Variants in CPLANE1 observed in about 807,000 individuals in gnomAD.
CPLANE1 encodes the protein ciliogenesis and planar polarity effector 1.
A neutral mutation model predicts 362.5 loss-of-function variants in CPLANE1; 263 were observed. That is an observed-to-expected ratio of 0.73 (90% CI 0.66 to 0.80). The LOEUF (loss-of-function observed/expected upper bound fraction) is 0.80, where lower values mean the gene tolerates loss of function less well. Ranked by LOEUF, CPLANE1 falls within the 30% of genes least tolerant of loss-of-function variation. The probability of loss-of-function intolerance (pLI) is 0.00; values close to 1 mark genes in which losing one functional copy is unlikely to be tolerated. For missense variants in CPLANE1, 3,461 were observed against 3,793.4 expected, an observed-to-expected ratio of 0.91 and a Z score of 2.30; for synonymous variants, 1,212 against 1,302.6, an observed-to-expected ratio of 0.93 and a Z score of 1.50.
At chr5:37,179,504 T>C in intron 28 of CPLANE1, 61 bp from the exon 29 acceptor site, 1 of 1,058,370 alleles carries the variant, frequency 9.4e-7, no homozygotes, top group Non-Finnish European at 1.4e-6. Context: ...ATTGACTTTT[T>C]AGGGGGCTCA....
intron 46 of CPLANE1, among the ~76,000 whole-genome samples, chr5:37,131,688 A>T (rs1360394398): frequency 2.6e-5 from 4 of 151,904 alleles, no homozygotes; most frequent in African/African-American, 9.7e-5. Context: ...CCACTACCAC[A>T]CCCAGCTAAT....
chr5:37,211,106 C>T (rs1792470320), intron 16 of CPLANE1: 1 of 1,051,262 alleles, frequency 9.5e-7, no homozygotes, highest in African/African-American at 1.6e-5. Flanking sequence ...TGGTGCTTCA[C>T]AATGGTGAGA....
At chr5:37,236,715 T>A (rs1395473192) in intron 8 of CPLANE1, among the ~76,000 whole-genome samples, 8 of 122,714 alleles carry the variant, frequency 6.5e-5, no homozygotes, top group African/African-American at 1.6e-4. Context: ...CTAAGACAAC[T>A]CAACAAGCAA....
At chr5:37,140,797 C>T in intron 44 of CPLANE1, 1 of 985,234 alleles carries the variant, frequency 1.0e-6, no homozygotes. Flanking sequence ...CCCACGGCCA[C>T]AGTACCTGTT....
rs770395082 is a variant in CPLANE1, at chr5:37,107,658, T to C, written c.9700A>G (p.Met3234Val). 1 of 1,611,334 alleles carries C rather than the reference T, an allele frequency of 6.2e-7. No homozygotes were observed. Among genetic ancestry groups the C allele is most frequent in the Non-Finnish European group, 8.5e-7 (1 of 1,179,214 alleles). Residue 3234 changes from methionine to valine, a missense_variant, in exon 53 of 53, where the codon ATG becomes GTG. By Grantham distance (21) the Met-to-Val change is conservative. Coordinates refer to ENST00000651892, the MANE Select transcript of CPLANE1 (RefSeq NM_001384732.1). ...SKLDWNAIED[M>V]VASVEDQGLS... ...CCCTGGTCCTCCACGCTGGCCACCATGTCTTCGATGGCATTCCAGTCCAGC... is the reference window on the plus strand; with the variant it reads ...CCCTGGTCCTCCACGCTGGCCACCACGTCTTCGATGGCATTCCAGTCCAGC...
chr5:37,186,379 C>T lies in CPLANE1; in HGVS notation c.4096G>A (p.Val1366Met), dbSNP rs781367784. Reference sequence around the variant, plus strand: ...TCCTCAGGATAGGGAAATGCTTTCACGAAAATTTCTGCTACCTTCAGAAAA... The same window carrying T: ...TCCTCAGGATAGGGAAATGCTTTCATGAAAATTTCTGCTACCTTCAGAAAA... The part of the protein sequence containing the change: ...PPIRKVAEIF[V>M]KAFPYPEDVR... Residue 1366 changes from valine (V) to methionine (M), a missense_variant, in exon 24 of 53, where the codon GTG becomes ATG. Physicochemically the swap from Val to Met is conservative, Grantham distance 21. Coordinates refer to ENST00000651892, the MANE Select transcript of CPLANE1 (RefSeq NM_001384732.1). 3.3e-5 allele frequency: 52 copies of T among 1,582,462 alleles called. No homozygotes were observed. The East Asian group carries it at 4.3e-4, about 13-fold the overall frequency.
At chr5:37,093,611 C>T in the CPLANE1 span, among the ~76,000 whole-genome samples, 1 of 152,170 alleles carries the variant, frequency 6.6e-6, no homozygotes, top group African/African-American at 2.4e-5. Context: ...GAGAATGTTG[C>T]TAATTATACT....
At chr5:37,162,104 G>A (rs533340497) in intron 38 of CPLANE1, among the ~76,000 whole-genome samples, 168 of 152,132 alleles carry the variant, frequency 1.1e-3, no homozygotes, top group Non-Finnish European at 1.7e-3. Flanking sequence ...CTCCCTCACC[G>A]AACCCAGTCC....
chr5:37,241,648 A>G (rs1800525225), intron 6 of CPLANE1, among the ~76,000 whole-genome samples: 1 of 152,176 alleles, frequency 6.6e-6, no homozygotes, highest in East Asian at 1.9e-4. Flanking sequence ...TATTTTCCAG[A>G]CAGGGTCTCA....
chr5:37,202,058 T>C (rs958644476), intron 18 of CPLANE1, among the ~76,000 whole-genome samples: 4 of 152,096 alleles, frequency 2.6e-5, no homozygotes, highest in Non-Finnish European at 5.9e-5. Context: ...ATTCTTAGAA[T>C]GTAGTTCTGA....
chr5:37,187,733 C>T lies in CPLANE1; in HGVS notation c.3921G>A (p.Lys1307=). 2 of 1,610,756 alleles carry T rather than the reference C, an allele frequency of 1.2e-6. No homozygotes were observed. Among genetic ancestry groups the T allele is most frequent in the Non-Finnish European group, 1.7e-6 (2 of 1,177,864 alleles). The change falls in exon 22 of 53, where the codon AAG becomes AAA. Residue 1307 remains lysine (K), a splice_region_variant and synonymous_variant. Coordinates refer to ENST00000651892, the MANE Select transcript of CPLANE1 (RefSeq NM_001384732.1). ...QKARENVKGE[K]DLEVEFDSCM... is the part of the protein sequence containing the mutation. ...TTCTTATTTTTGCCCTGGTAAATACCTTTTCTCCTTTTACATTTTCTCTTG... is the reference window on the plus strand; with the variant it reads ...TTCTTATTTTTGCCCTGGTAAATACTTTTTCTCCTTTTACATTTTCTCTTG...
chr5:37,212,905 G>A (rs1793014101), intron 16 of CPLANE1, among the ~76,000 whole-genome samples: 1 of 152,198 alleles, frequency 6.6e-6, no homozygotes, highest in African/African-American at 2.4e-5. Context: ...CCTGCTACTT[G>A]GGAGGCTGAG....
In CPLANE1 at chr5:37,223,500, T is replaced by C. The variant is rs79542695; in HGVS notation, c.2581+753A>G. Among the ~76,000 whole-genome samples, 441 of 152,302 alleles carry C rather than the reference T, an allele frequency of 2.9e-3. 2 individuals carry two copies. The highest frequency in any genetic ancestry group is 7.9e-3 in the Admixed American group (121 of 15,300). ...GTTAAGTAAATGAATTAATGAAATA[T>C]ACAAAGCCACAGCAGTCAGAAAATA... On this transcript the variant is annotated intron_variant, in intron 14 of 52. Coordinates refer to ENST00000651892, the MANE Select transcript of CPLANE1 (RefSeq NM_001384732.1).
Position 37,184,787 on chromosome 5 carries a change from C to A in CPLANE1, c.4481+1G>T. The A allele has an allele frequency of 6.2e-7, 1 of 1,607,296 alleles. No individual in the cohort carries two copies. ...CAGTGATTAAAAGATCTCAATTGTA[C>A]CTTTGATAGATATTTATCCTACTTT... is the stretch of plus-strand genomic sequence containing the variant. On this transcript the variant is annotated splice_donor_variant, in intron 25 of 52. Transcript: ENST00000651892. LOFTEE classifies it high-confidence loss of function.
At chr5:37,220,250 CAA>C (rs113647197) in intron 15 of CPLANE1, among the ~76,000 whole-genome samples, 5 of 134,060 alleles carry the variant, frequency 3.7e-5, no homozygotes, top group East Asian at 2.2e-4. Context: ...GACCATATCT[CAA>C]AAAAAAAAAA....
At chr5:37,179,812 C>G (rs554706935) in intron 28 of CPLANE1, among the ~76,000 whole-genome samples, 10 of 152,074 alleles carry the variant, frequency 6.6e-5, no homozygotes, top group Non-Finnish European at 1.0e-4. Flanking sequence ...ATAAAAATAC[C>G]TTAGATCTTC....
At chr5:37,142,127 G>T in intron 44 of CPLANE1, 183 bp downstream of exon 44, 1 of 1,167,420 alleles carries the variant, frequency 8.6e-7, no homozygotes, top group Non-Finnish European at 1.1e-6. Flanking sequence ...TATGTCTTAT[G>T]AAGGTGACAA....
intron 47 of CPLANE1, among the ~76,000 whole-genome samples, chr5:37,124,154 G>A (rs960915743): frequency 3.3e-5 from 5 of 151,996 alleles, no homozygotes; most frequent in African/African-American, 7.2e-5. Flanking sequence ...ACCATTTGGC[G>A]TTTTAATGGA....
chr5:37,224,903 T>C (rs1200056620), intron 12 of CPLANE1, among the ~76,000 whole-genome samples, 163 bp from the exon 13 acceptor site: 1 of 151,518 alleles, frequency 6.6e-6, no homozygotes, highest in Non-Finnish European at 1.5e-5. Context: ...GATTAAAAAA[T>C]GCCTTATATA....
Sources: gnomAD v4.1 joint callset for allele counts (sites outside exome capture counted in the v4.1 genomes callset) on GRCh38, gnomAD v4.1.1 for gene constraint, MANE v1.5 for transcripts, NCBI Gene and HGNC (gene_info 2026-07-23, HGNC 2026-07-21) for gene names.